Variants in IL1RAPL2 observed in about 807,000 individuals in gnomAD.
The protein encoded by IL1RAPL2 is interleukin 1 receptor accessory protein like 2, also known as X-linked interleukin-1 receptor accessory protein-like 2.
In IL1RAPL2, 3 loss-of-function variants were observed where a neutral mutation model predicts 44.1. That is an observed-to-expected ratio of 0.07 (90% CI 0.03 to 0.18). The LOEUF (loss-of-function observed/expected upper bound fraction) is 0.18. IL1RAPL2 is among the 10% of genes least tolerant of loss of function. IL1RAPL2 has a pLI of 1.00. For synonymous variants in IL1RAPL2, 181 were observed against 178.8 expected, an observed-to-expected ratio of 1.01 and a Z score of -0.10; for missense variants, 391 against 496.4, an observed-to-expected ratio of 0.79 and a Z score of 2.02.
At chrX:105,252,725 G>C (rs1210620144) in intron 4 of IL1RAPL2, among the ~76,000 whole-genome samples, 1 of 111,620 alleles carries the variant, frequency 9.0e-6, no homozygotes, top group Non-Finnish European at 1.9e-5. Context: ...TCATTTAGAT[G>C]ACAGCTCCTT....
chrX:105,409,149 C>G (rs751077194), intron 5 of IL1RAPL2, among the ~76,000 whole-genome samples: 28 of 110,002 alleles, frequency 2.5e-4, no homozygotes, highest in Non-Finnish European at 4.5e-4. Flanking sequence ...TTGATGTTTA[C>G]CTTTATTAAA....
intron 2 of IL1RAPL2, among the ~76,000 whole-genome samples, chrX:105,143,248 G>GA (rs1404605972): frequency 5.4e-5 from 6 of 111,014 alleles, no homozygotes; most frequent in Admixed American, 3.8e-4. Flanking sequence ...AAATTCACAA[G>GA]AAAAAAACAA....
chrX:104,727,442 GGAAAGATT>G (rs1324753317), intron 2 of IL1RAPL2, among the ~76,000 whole-genome samples: 2 of 111,250 alleles, frequency 1.8e-5, no homozygotes, highest in Non-Finnish European at 3.8e-5. Context: ...AACGGATCCT[GGAAAGATT>G]GCGGAGAACA....
chrX:104,773,031 T>G (rs1045991863), intron 2 of IL1RAPL2, among the ~76,000 whole-genome samples: 1 of 111,214 alleles, frequency 9.0e-6, no homozygotes, highest in Non-Finnish European at 1.9e-5. Flanking sequence ...CACCTCAGCC[T>G]CCCAAGTAGC....
intron 2 of IL1RAPL2, among the ~76,000 whole-genome samples, chrX:104,938,148 T>A (rs1160727782): frequency 1.8e-5 from 2 of 112,453 alleles, no homozygotes; most frequent in African/African-American, 6.5e-5. Flanking sequence ...AGATAAACAA[T>A]CATCTGAATG....
intron 5 of IL1RAPL2, among the ~76,000 whole-genome samples, chrX:105,361,574 C>T (rs1277521977): frequency 1.8e-5 from 2 of 110,931 alleles, no homozygotes; most frequent in East Asian, 2.8e-4. Flanking sequence ...AACTGTATGT[C>T]GTAGTTAGAG....
intron 2 of IL1RAPL2, among the ~76,000 whole-genome samples, chrX:105,031,347 T>A (rs1337893927): frequency 9.1e-6 from 1 of 109,390 alleles, no homozygotes; most frequent in African/African-American, 3.4e-5. Flanking sequence ...TGCTTCCAGT[T>A]TTTGCCCATT....
intron 2 of IL1RAPL2, among the ~76,000 whole-genome samples, chrX:105,074,209 A>G (rs1388449729): frequency 9.0e-6 from 1 of 111,674 alleles, no homozygotes; most frequent in Non-Finnish European, 1.9e-5. Flanking sequence ...ATCTTGAATT[A>G]ATTTTTGTAT....
chrX:105,292,055 A>G (rs2034617423), intron 5 of IL1RAPL2, among the ~76,000 whole-genome samples: 2 of 111,343 alleles, frequency 1.8e-5, no homozygotes, highest in Admixed American at 1.9e-4. Flanking sequence ...AATTCCCTGC[A>G]TATACTGAGG....
chrX:105,399,885 A>G (rs1195753708), intron 5 of IL1RAPL2, among the ~76,000 whole-genome samples: 1 of 111,358 alleles, frequency 9.0e-6, no homozygotes, highest in Non-Finnish European at 1.9e-5. Flanking sequence ...ACAGTGCTGT[A>G]AAGGCTAATA....
chrX:104,827,459 C>T (rs1347566420), intron 2 of IL1RAPL2, among the ~76,000 whole-genome samples: 1 of 111,579 alleles, frequency 9.0e-6, no homozygotes, highest in East Asian at 2.8e-4. Flanking sequence ...GTCCCCCACT[C>T]TCTTCTGGCT....
At chrX:105,012,294 A>C (rs1437137733) in intron 2 of IL1RAPL2, among the ~76,000 whole-genome samples, 1 of 110,395 alleles carries the variant, frequency 9.1e-6, no homozygotes, top group African/African-American at 3.3e-5. Context: ...CCTGGGATGC[A>C]CAAATCAGTC....
chrX:105,719,817 T>G (rs1195924905), intron 7 of IL1RAPL2, among the ~76,000 whole-genome samples: 1 of 111,545 alleles, frequency 9.0e-6, no homozygotes, highest in Non-Finnish European at 1.9e-5. Flanking sequence ...AATGGATATA[T>G]TACAAATGAT....
intron 9 of IL1RAPL2, among the ~76,000 whole-genome samples, chrX:105,751,257 A>G (rs1013390813): frequency 1.1e-4 from 12 of 110,850 alleles, no homozygotes; most frequent in Non-Finnish European, 1.5e-4. Flanking sequence ...CCTGGGCGAC[A>G]GAGTGAGACC....
At chrX:105,374,266 T>A (rs1001839224) in intron 5 of IL1RAPL2, among the ~76,000 whole-genome samples, 1 of 111,246 alleles carries the variant, frequency 9.0e-6, no homozygotes, top group African/African-American at 3.3e-5. Context: ...AGTCAAGTAG[T>A]GTGATGTCTC....
At chrX:105,590,987 G>C (rs2037167272) in intron 6 of IL1RAPL2, among the ~76,000 whole-genome samples, 1 of 109,655 alleles carries the variant, frequency 9.1e-6, no homozygotes, top group African/African-American at 3.3e-5. Flanking sequence ...TGTAGGAATT[G>C]TACTAGGTCT....
chrX:104,761,411 C>A (rs922342028), intron 2 of IL1RAPL2, among the ~76,000 whole-genome samples: 4 of 110,809 alleles, frequency 3.6e-5, no homozygotes, highest in African/African-American at 1.3e-4. Flanking sequence ...CCCCCCAGGT[C>A]CCTCCCATGA....
At chrX:105,587,812 G>A (rs1439416184) in intron 6 of IL1RAPL2, among the ~76,000 whole-genome samples, 1 of 111,908 alleles carries the variant, frequency 8.9e-6, no homozygotes, top group African/African-American at 3.2e-5. Context: ...GCTGAGGTGT[G>A]AGGATGGCTT....
intron 6 of IL1RAPL2, among the ~76,000 whole-genome samples, chrX:105,505,172 A>G (rs747422462): frequency 2.7e-4 from 30 of 111,231 alleles, no homozygotes; most frequent in African/African-American, 9.1e-4. Context: ...TTTAAATAGT[A>G]CTTCATACGC....
Sources: gnomAD v4.1 joint callset for allele counts (sites outside exome capture counted in the v4.1 genomes callset) on GRCh38, gnomAD v4.1.1 for gene constraint, MANE v1.5 for transcripts, NCBI Gene and HGNC (gene_info 2026-07-23, HGNC 2026-07-21) for gene names.